The following ACSF3 variants were observed in gnomAD, a reference collection of about 807,000 sequenced individuals.
The protein encoded by ACSF3 is malonate--CoA ligase ACSF3, mitochondrial.
A neutral mutation model predicts 53.2 loss-of-function variants in ACSF3; 78 were observed. The ratio of observed to expected loss-of-function variants is 1.47; its 90% confidence interval spans 1.22 to 1.77. ACSF3 has a LOEUF of 1.77. Ranked by LOEUF, ACSF3 falls within the 40% of genes most tolerant of loss-of-function variation. ACSF3 has a pLI of 0.00. For missense variants in ACSF3, 937 were observed against 771.1 expected (o/e 1.22, Z -2.55); for synonymous variants, 414 against 333.1 (o/e 1.24, Z -2.65).
intron 5 of ACSF3, chr16:89,113,071 G>A (rs896552836): frequency 2.6e-5 from 4 of 152,338 alleles, no homozygotes; most frequent in African/African-American, 9.6e-5. Flanking sequence ...CTGTTGAGGT[G>A]TGGTTCACTA....
At position 89,132,112 on chromosome 16, in the gene ACSF3, G is replaced by A. The variant is rs180843746; in HGVS notation, c.1240-1024G>A. On this transcript the variant is annotated intron_variant, in intron 7 of 10. Transcript: ENST00000614302. Reference sequence around the variant, plus strand: ...CATGGGGCAGTGTTGGCCCCACGGCGTTTGAGCGCCCTTTCTCCACATCAG... The same window carrying A: ...CATGGGGCAGTGTTGGCCCCACGGCATTTGAGCGCCCTTTCTCCACATCAG... 4.0e-3 allele frequency among the ~76,000 whole-genome samples: 613 copies of A among 152,384 alleles called. 3 individuals carry two copies. The highest frequency in any genetic ancestry group is 0.012 in the South Asian group (56 of 4,832).
At chr16:89,118,028 A>G (rs552121978) in intron 6 of ACSF3, among the ~76,000 whole-genome samples, 1 of 115,642 alleles carries the variant, frequency 8.6e-6, no homozygotes, top group East Asian at 2.9e-4. Context: ...GGCGCCAGGG[A>G]CGTTCCCTCT....
Position 89,102,648 on chromosome 16 carries a change from G to A in ACSF3, c.711G>A (p.Val237=). The change falls in exon 4 of 11, where the codon GTG becomes GTA. Residue 237 remains valine (V), a synonymous_variant. Coordinates refer to ENST00000614302, the MANE Select transcript of ACSF3 (RefSeq NM_001243279.3). ...AGTGGGCATGGACCAAAGACGACGT[G>A]ATCCTCCACGTGCTCCCGCTGCACC... The part of the protein sequence containing the change: ...VHKWAWTKDD[V]ILHVLPLHHV... The A allele has an allele frequency of 1.2e-6, 2 of 1,613,908 alleles. No individual in the cohort carries two copies.
chr16:89,136,890 C>T (rs1476179684), intron 8 of ACSF3: 5 of 1,232,820 alleles, frequency 4.1e-6, no homozygotes, highest in Non-Finnish European at 5.2e-6. Context: ...TCAGGTAACT[C>T]CTCTGACGGC....
intron 8 of ACSF3, among the ~76,000 whole-genome samples, chr16:89,140,436 G>T (rs1911531175): frequency 6.6e-6 from 1 of 152,240 alleles, no homozygotes; most frequent in African/African-American, 2.4e-5. Flanking sequence ...CAGGGCATCG[G>T]CTTGGGCGGG....
Position 89,120,846 on chromosome 16 carries a change from C to T in ACSF3, c.1172C>T (p.Ser391Leu). 6.2e-7 allele frequency: 1 copy of T among 1,614,142 alleles called. No individual in the cohort carries two copies. The highest frequency in any genetic ancestry group is 8.5e-7 in the Non-Finnish European group (1 of 1,180,014). The change falls in exon 7 of 11, where the codon TCA (serine) becomes TTA (leucine). Residue 391 changes from serine (S) to leucine (L), a missense_variant. Ser to Leu is a moderately radical substitution (Grantham distance 145, BLOSUM62 -2). Transcript: ENST00000614302. Reference protein sequence around the residue: ...PLPGVQVRIVSENPQREACSY... With the variant: ...PLPGVQVRIVLENPQREACSY... ...CCTGGAGTACAGGTGCGCATTGTCT[C>T]AGAAAACCCACAGAGGGAAGCCTGC... is the stretch of plus-strand genomic sequence containing the variant.
chr16:89,109,352 C>A (rs1976412727), intron 4 of ACSF3, among the ~76,000 whole-genome samples: 1 of 149,058 alleles, frequency 6.7e-6, no homozygotes, highest in African/African-American at 2.5e-5. Context: ...GTCCTGCCAA[C>A]ACTTGTCACT....
At chr16:89,139,882 C>T (rs554690155) in intron 8 of ACSF3, among the ~76,000 whole-genome samples, 13 of 152,220 alleles carry the variant, frequency 8.5e-5, no homozygotes, top group East Asian at 7.7e-4. Flanking sequence ...CATGAGCCAC[C>T]GCACCCAACC....
chr16:89,097,142 GT>G (rs1974716490), intron 1 of ACSF3, among the ~76,000 whole-genome samples: 2 of 152,274 alleles, frequency 1.3e-5, no homozygotes, highest in Admixed American at 1.3e-4. Context: ...CTGGTAGTGT[GT>G]GCTGTGTGTG....
chr16:89,109,703 G>A (rs909818947), intron 4 of ACSF3, among the ~76,000 whole-genome samples: 17 of 151,992 alleles, frequency 1.1e-4, no homozygotes, highest in African/African-American at 3.6e-4. Context: ...TGAGCCCGCC[G>A]CACCCGGCCA....
intron 8 of ACSF3, among the ~76,000 whole-genome samples, chr16:89,137,724 G>A (rs890844109): frequency 2.6e-4 from 40 of 152,138 alleles, no homozygotes; most frequent in African/African-American, 8.4e-4. Context: ...GGGGAGTGGG[G>A]GGCTGGAGAA....
chr16:89,138,952 C>T (rs2151541668), intron 8 of ACSF3, among the ~76,000 whole-genome samples: 1 of 152,168 alleles, frequency 6.6e-6, no homozygotes, highest in Admixed American at 6.5e-5. Context: ...ACAGCCGTGC[C>T]CCTTCCCCAG....
intron 1 of ACSF3, among the ~76,000 whole-genome samples, chr16:89,097,761 T>G (rs563973269): frequency 1.1e-4 from 9 of 79,236 alleles, no homozygotes; most frequent in African/African-American, 3.1e-4. Context: ...GCCCTGCCTC[T>G]GAACAGCTGT....
At position 89,102,628 on chromosome 16, in the gene ACSF3, G is replaced by A. The variant is rs765454020; in HGVS notation, c.691G>A (p.Ala231Thr). ...AVVTGLVHKWAWTKDDVILHV... is the reference protein window; with the variant it reads ...AVVTGLVHKWTWTKDDVILHV... ...GGTGACCGGGCTGGTCCACAAGTGG[G>A]CATGGACCAAAGACGACGTGATCCT... The change falls in exon 4 of 11, where the codon GCA (alanine) becomes ACA (threonine). Residue 231 changes from alanine (A) to threonine (T), a missense_variant. Coordinates refer to ENST00000614302, the MANE Select transcript of ACSF3 (RefSeq NM_001243279.3). 16 of 1,613,836 alleles carry A rather than the reference G, an allele frequency of 9.9e-6. No homozygotes were observed. In the Admixed American group the frequency reaches 2.7e-4, roughly 27 times the overall value.
At chr16:89,151,012 G>A in intron 10 of ACSF3, 18 of 1,288,482 alleles carry the variant, frequency 1.4e-5, no homozygotes, top group Non-Finnish European at 1.8e-5. Flanking sequence ...CCAAACCAAA[G>A]GTCATGAGTT....
At chr16:89,140,148 C>T (rs1308275257) in intron 8 of ACSF3, among the ~76,000 whole-genome samples, 6 of 152,242 alleles carry the variant, frequency 3.9e-5, no homozygotes, top group Non-Finnish European at 7.3e-5. Flanking sequence ...TCCACGGGCA[C>T]CTGAGCTTCC....
chr16:89,098,589 A>G lies in ACSF3; in HGVS notation c.-193-2A>G. On this transcript the variant is annotated splice_acceptor_variant, in intron 1 of 10. Coordinates refer to ENST00000614302, the MANE Select transcript of ACSF3 (RefSeq NM_001243279.3). LOFTEE classifies it low-confidence loss of function (5UTR_SPLICE). Reference sequence around the variant, plus strand: ...GACCTCAGCACAGATGCCCGTTGACAGGTGTCCCACCGGCCTTCCGGGTTC... The same window carrying G: ...GACCTCAGCACAGATGCCCGTTGACGGGTGTCCCACCGGCCTTCCGGGTTC... 2.2e-6 allele frequency: 1 copy of G among 451,176 alleles called. No homozygotes were observed. The highest frequency in any genetic ancestry group is 1.6e-5 in the South Asian group (1 of 64,406). 27.9% of individuals were successfully genotyped at this position (451,176 alleles called of 1,614,324 possible).
intron 7 of ACSF3, 100 bp downstream of exon 7, chr16:89,121,013 C>T: frequency 9.1e-7 from 1 of 1,097,228 alleles, no homozygotes; most frequent in Non-Finnish European, 1.4e-6. Flanking sequence ...GCAGACTCCC[C>T]TCCACGCAGG....
At chr16:89,101,924 TG>T (rs1975394283) in intron 3 of ACSF3, among the ~76,000 whole-genome samples, 1 of 152,212 alleles carries the variant, frequency 6.6e-6, no homozygotes, top group South Asian at 2.1e-4. Context: ...CACAGCAGGC[TG>T]GGCCCTGGGT....
Sources: gnomAD v4.1 joint callset for allele counts (sites outside exome capture counted in the v4.1 genomes callset) on GRCh38, gnomAD v4.1.1 for gene constraint, MANE v1.5 for transcripts, NCBI Gene and HGNC (gene_info 2026-07-23, HGNC 2026-07-21) for gene names.